The following UBE4B variants were observed in gnomAD, a reference collection of about 807,000 sequenced individuals.
UBE4B encodes ubiquitination factor E4B.
UBE4B carries 27 observed loss-of-function variants against 148.1 expected under a neutral mutation model. The observed-to-expected ratio is 0.18, with a 90% CI of 0.13 to 0.25. The LOEUF (loss-of-function observed/expected upper bound fraction) is 0.25, where lower values mean the gene tolerates loss of function less well. UBE4B is among the 10% of genes least tolerant of loss of function. The pLI is 1.00. For missense variants in UBE4B, 1,170 were observed against 1,662.4 expected, an observed-to-expected ratio of 0.70 and a Z score of 5.15; for synonymous variants, 596 against 619.3, an observed-to-expected ratio of 0.96 and a Z score of 0.56.
At chr1:10,132,617 G>A in intron 15 of UBE4B, 135 bp downstream of exon 15, 1 of 653,802 alleles carries the variant, frequency 1.5e-6, no homozygotes, top group Non-Finnish European at 2.6e-6. Context: ...TCCTGCTTTT[G>A]TGGAGCCCAT....
In UBE4B at chr1:10,180,018, C is replaced by A; in HGVS notation, c.*62C>A. 1 of 1,602,868 alleles carries A rather than the reference C, an allele frequency of 6.2e-7. No homozygotes were observed. Among genetic ancestry groups the A allele is most frequent in the Non-Finnish European group, 8.5e-7 (1 of 1,172,882 alleles). ...AGGCCAACGAGGCAAGCAGAAGCAG[C>A]GGCCGCAGCGAAGCTGCCGTTCATG... On this transcript the variant is annotated 3_prime_UTR_variant, in exon 28 of 28. Transcript: ENST00000343090.
At chr1:10,103,632 G>GTTTTTTT (rs1186811301) in intron 5 of UBE4B, among the ~76,000 whole-genome samples, 11 of 106,498 alleles carry the variant, frequency 1.0e-4, no homozygotes, top group Non-Finnish European at 1.2e-4. Flanking sequence ...TTTTGTTTTT[G>GTTTTTTT]TTTTTTTTTT....
chr1:10,081,137 A>C (rs1415731250), intron 2 of UBE4B, among the ~76,000 whole-genome samples: 1 of 152,188 alleles, frequency 6.6e-6, no homozygotes, highest in Non-Finnish European at 1.5e-5. Context: ...ATCTTGGCTC[A>C]CCGCAACCTC....
At chr1:10,151,699 C>T (rs528192387) in intron 21 of UBE4B, 138 bp downstream of exon 21, 1 of 724,668 alleles carries the variant, frequency 1.4e-6, no homozygotes, top group Admixed American at 2.9e-5. Flanking sequence ...CTGTGGCCTG[C>T]AGAGGATGTA....
chr1:10,123,018 T>C (rs1645434449), intron 10 of UBE4B, among the ~76,000 whole-genome samples: 1 of 152,218 alleles, frequency 6.6e-6, no homozygotes, highest in South Asian at 2.1e-4. Flanking sequence ...GTGTTGTGTA[T>C]TCTGTCTGGA....
At chr1:10,048,660 A>G (rs575188485) in intron 1 of UBE4B, among the ~76,000 whole-genome samples, 1 of 152,288 alleles carries the variant, frequency 6.6e-6, no homozygotes, top group Admixed American at 6.5e-5. Flanking sequence ...TCTAATGTTG[A>G]TAAAATTAGA....
chr1:10,053,234 C>T (rs2101797387), intron 1 of UBE4B, among the ~76,000 whole-genome samples: 1 of 148,836 alleles, frequency 6.7e-6, no homozygotes, highest in African/African-American at 2.5e-5. Flanking sequence ...CTGCAAGCTC[C>T]ACCTCCCAGG....
rs1211387230 is a variant in UBE4B at position 10,105,616 on chromosome 1, C to T, written c.681C>T (p.Ala227=). ...RDENPFASLT[A]TSQPIAAAAR... ...AAAACCCATTTGCCAGTCTGACAGC[C>T]ACATCACAGCCAATTGCTGCAGCAG... Residue 227 remains alanine (A), a synonymous_variant, in exon 6 of 28, where the codon GCC becomes GCT. Transcript: ENST00000343090. 1 of 1,614,222 alleles carries T rather than the reference C, an allele frequency of 6.2e-7. No homozygotes were observed. The highest frequency in any genetic ancestry group is 8.5e-7 in the Non-Finnish European group (1 of 1,180,044).
intron 1 of UBE4B, among the ~76,000 whole-genome samples, chr1:10,050,269 G>A (rs1644007997): frequency 6.6e-6 from 1 of 152,164 alleles, no homozygotes; most frequent in Non-Finnish European, 1.5e-5. Flanking sequence ...ACCAGGTTTT[G>A]CCATGTTGGT....
intron 2 of UBE4B, among the ~76,000 whole-genome samples, chr1:10,077,264 T>G (rs1380848942): frequency 1.3e-5 from 2 of 152,204 alleles, no homozygotes; most frequent in Admixed American, 6.5e-5. Flanking sequence ...TTGGCATTTC[T>G]TGGCTTGTGG....
At chr1:10,102,053 C>G (rs1286913750) in intron 4 of UBE4B, among the ~76,000 whole-genome samples, 1 of 149,940 alleles carries the variant, frequency 6.7e-6, no homozygotes, top group Non-Finnish European at 1.5e-5. Context: ...ATTAGGAATC[C>G]TTTAGCAACA....
intron 2 of UBE4B, among the ~76,000 whole-genome samples, chr1:10,073,721 AAACAACAAC>A (rs199512231): frequency 3.3e-5 from 5 of 151,670 alleles, no homozygotes; most frequent in Non-Finnish European, 5.9e-5. Flanking sequence ...TCTGTCTCAA[AAACAACAAC>A]AACAACAACA....
chr1:10,081,294 A>G (rs1570845081), intron 2 of UBE4B, among the ~76,000 whole-genome samples: 1 of 151,786 alleles, frequency 6.6e-6, no homozygotes, highest in African/African-American at 2.4e-5. Context: ...TCCCGATGTC[A>G]GATGATCTGC....
chr1:10,038,378 A>G (rs1230728428), intron 1 of UBE4B, among the ~76,000 whole-genome samples: 1 of 152,226 alleles, frequency 6.6e-6, no homozygotes, highest in Non-Finnish European at 1.5e-5. Context: ...TGTAAGTGGA[A>G]GAAAATTGAC....
At chr1:10,154,009 G>A (rs57324977) in intron 21 of UBE4B, among the ~76,000 whole-genome samples, 1,848 of 152,252 alleles carry the variant, frequency 0.012, 46 homozygotes, top group African/African-American at 0.041. Context: ...TTGAACCCGC[G>A]AGGCAGAGGT....
chr1:10,137,350 C>A, intron 17 of UBE4B, 145 bp downstream of exon 17: 1 of 1,044,492 alleles, frequency 9.6e-7, no homozygotes, highest in Non-Finnish European at 1.4e-6. Flanking sequence ...CCGCCACATC[C>A]ATGTTGCTCA....
chr1:10,055,576 C>A (rs901796110), intron 1 of UBE4B, among the ~76,000 whole-genome samples: 3 of 152,098 alleles, frequency 2.0e-5, no homozygotes, highest in Non-Finnish European at 4.4e-5. Context: ...CACACCCAGC[C>A]AACATGGGGC....
intron 23 of UBE4B, among the ~76,000 whole-genome samples, chr1:10,162,983 C>T (rs957435737): frequency 6.6e-6 from 1 of 152,164 alleles, no homozygotes; most frequent in Non-Finnish European, 1.5e-5. Flanking sequence ...TTTCTCCTTA[C>T]TTCTGTAACA....
At chr1:10,104,748 AT>A (rs1291522272) in intron 5 of UBE4B, among the ~76,000 whole-genome samples, 1 of 152,210 alleles carries the variant, frequency 6.6e-6, no homozygotes, top group Non-Finnish European at 1.5e-5. Context: ...GTAAGTGGCA[AT>A]TTTAAATAAC....
Sources: allele counts gnomAD v4.1 joint callset (sites outside exome capture counted in the v4.1 genomes callset), GRCh38; gene constraint gnomAD v4.1.1; transcripts MANE v1.5; gene names NCBI Gene and HGNC (gene_info 2026-07-23, HGNC 2026-07-21).